PCDHGB5: variants seen among roughly 807,000 people sequenced by gnomAD.
PCDHGB5 encodes protocadherin gamma-B5.
Under a neutral mutation model 62.9 loss-of-function variants are expected in PCDHGB5, and 48 were observed. The observed-to-expected ratio is 0.76, with a 90% confidence interval of 0.61 to 0.97. The LOEUF is 0.97. Ranked by LOEUF, PCDHGB5 falls within the 50% of genes least tolerant of loss-of-function variation. The pLI is 0.00. For synonymous variants in PCDHGB5, 474 were observed against 511.2 expected, an observed-to-expected ratio of 0.93 and a Z score of 0.98; for missense variants, 1,118 against 1,198.6, an observed-to-expected ratio of 0.93 and a Z score of 0.99.
rs2099746867 is a variant in PCDHGB5, at chr5:141,493,199, C to T, written c.2398-1608C>T. Among the ~76,000 whole-genome samples the T allele has an allele frequency of 6.6e-6, 1 of 152,168 alleles. No individual in the cohort carries two copies. Among genetic ancestry groups the T allele is most frequent in the Non-Finnish European group, 1.5e-5 (1 of 68,020 alleles). ...CTTACTATATAACTCCTTTGAGAAC[C>T]TCATCTCATTTGCTCTTCCCACCAT... On this transcript the variant is annotated intron_variant, in intron 1 of 3. Coordinates refer to ENST00000617380, the MANE Select transcript of PCDHGB5 (RefSeq NM_018925.3). This position sits in a 1 kb window ranked among gnomAD's most constrained non-coding sequence, Gnocchi z 4.3.
At position 141,430,974 on chromosome 5, in the gene PCDHGB5, C is replaced by T. The variant is rs141488923; in HGVS notation, c.2397+30450C>T. The T allele has an allele frequency of 7.0e-4, 1,130 of 1,613,070 alleles. 8 individuals carry two copies. In the African/African-American group the frequency reaches 0.014, roughly 19 times the overall value. On this transcript the variant is annotated intron_variant, in intron 1 of 3. Transcript: ENST00000617380. ...GTCCGCATCATCCCCAGAGGTAGGA[C>T]GCAGCTTTTCGCCCTGAATCCGCGC...
In PCDHGB5 at chr5:141,489,739, G is replaced by A; in HGVS notation, c.2398-5068G>A. On this transcript the variant is annotated intron_variant, in intron 1 of 3. Transcript: ENST00000617380. The surrounding 1 kb of genome is among the most constrained non-coding windows in gnomAD (Gnocchi z 4.5). Reference sequence around the variant, plus strand: ...GGATCCGGATGTGGGCACCAATACTGTGAGCTTTTACACTCTAAGCCCCAA... The same window carrying A: ...GGATCCGGATGTGGGCACCAATACTATGAGCTTTTACACTCTAAGCCCCAA... 3 of 1,614,170 alleles carry A rather than the reference G, an allele frequency of 1.9e-6. No homozygotes were observed. The highest frequency in any genetic ancestry group is 2.2e-5 in the South Asian group (2 of 91,076).
At chr5:141,510,879 G>T in intron 3 of PCDHGB5, 68 bp from the exon 4 acceptor site, 1 of 1,611,520 alleles carries the variant, frequency 6.2e-7, no homozygotes, top group Non-Finnish European at 8.5e-7. Flanking sequence ...TAACTGCTGG[G>T]GATATAAGAC....
At chr5:141,416,589 TTA>T (rs1386515449) in intron 1 of PCDHGB5, 2 of 151,996 alleles carry the variant, frequency 1.3e-5, no homozygotes, top group African/African-American at 4.8e-5. Context: ...CAAAATAAAC[TTA>T]GAGTCAAGAA....
chr5:141,450,210 G>T (rs2098673599), intron 1 of PCDHGB5, among the ~76,000 whole-genome samples: 1 of 151,786 alleles, frequency 6.6e-6, no homozygotes. Flanking sequence ...TAGAGACAAG[G>T]TTTCACTATG....
At chr5:141,403,758 T>C (rs1022850868) in intron 1 of PCDHGB5, 18 of 1,613,804 alleles carry the variant, frequency 1.1e-5, no homozygotes, top group Non-Finnish European at 1.4e-5. Flanking sequence ...GCCAGCGACC[T>C]GGATGAGGGA....
At position 141,476,456 on chromosome 5, in the gene PCDHGB5, A is replaced by C; in HGVS notation, c.2398-18351A>C. The C allele has an allele frequency of 6.2e-7, 1 of 1,614,058 alleles. No homozygotes were observed. Among genetic ancestry groups the C allele is most frequent in the Non-Finnish European group, 8.5e-7 (1 of 1,180,010 alleles). On this transcript the variant is annotated intron_variant, in intron 1 of 3. Transcript: ENST00000617380. The surrounding 1 kb of genome is among the most constrained non-coding windows in gnomAD (Gnocchi z 7.6). ...TGTAACTCTGGAGTTGGTAGTGGAGAACCCGCTGGAGCTGTTCAGCGTGGA... is the reference window on the plus strand; with the variant it reads ...TGTAACTCTGGAGTTGGTAGTGGAGCACCCGCTGGAGCTGTTCAGCGTGGA...
chr5:141,508,043 T>A (rs2099865910), intron 3 of PCDHGB5: 1 of 152,252 alleles, frequency 6.6e-6, no homozygotes, highest in Non-Finnish European at 1.5e-5. Context: ...CAGCCAGCTG[T>A]GTTCCAGCTA....
In PCDHGB5 at chr5:141,489,198, C is replaced by G; in HGVS notation, c.2398-5609C>G. 1 of 1,392,402 alleles carries G rather than the reference C, an allele frequency of 7.2e-7. No individual in the cohort carries two copies. Among genetic ancestry groups the G allele is most frequent in the South Asian group, 1.4e-5 (1 of 71,348 alleles). The allele number at this position is 1,392,402 out of a possible 1,614,324, so 86.3% of individuals were successfully genotyped here. A position where few individuals can be genotyped will look rare whatever the true frequency, so the allele number is the denominator to read the frequency against. On this transcript the variant is annotated intron_variant, in intron 1 of 3. Coordinates refer to ENST00000617380, the MANE Select transcript of PCDHGB5 (RefSeq NM_018925.3). This position sits in a 1 kb window ranked among gnomAD's most constrained non-coding sequence, Gnocchi z 4.5. ...CCAAGCCCTGGGTCTACCTTGGAGA[C>G]AGGACAGCACAGACTTACTCTCCAC...
In PCDHGB5 at chr5:141,491,081, C is replaced by T; in HGVS notation, c.2398-3726C>T. The T allele has an allele frequency of 6.2e-7, 1 of 1,614,176 alleles. No individual in the cohort carries two copies. The highest frequency in any genetic ancestry group is 8.5e-7 in the Non-Finnish European group (1 of 1,180,010). On this transcript the variant is annotated intron_variant, in intron 1 of 3. Coordinates refer to ENST00000617380, the MANE Select transcript of PCDHGB5 (RefSeq NM_018925.3). The surrounding 1 kb of genome is among the most constrained non-coding windows in gnomAD (Gnocchi z 6.9). Reference sequence around the variant, plus strand: ...TCCTACTCACTGTTGCCACAGTCCACAGCCCCAGGACTGTTCCTCGTGTCT... The same window carrying T: ...TCCTACTCACTGTTGCCACAGTCCATAGCCCCAGGACTGTTCCTCGTGTCT...
chr5:141,429,395 A>T (rs545207705), intron 1 of PCDHGB5, among the ~76,000 whole-genome samples: 166 of 152,126 alleles, frequency 1.1e-3, no homozygotes, highest in African/African-American at 3.8e-3. Flanking sequence ...TTTAAAAAAA[A>T]TTGAGATTAA....
chr5:141,405,398 C>A, intron 1 of PCDHGB5: 1 of 1,590,262 alleles, frequency 6.3e-7, no homozygotes, highest in Non-Finnish European at 8.6e-7. Flanking sequence ...TTTTTTCTTT[C>A]TTTCTTTTCT....
chr5:141,433,162 A>G, intron 1 of PCDHGB5: 1 of 1,613,890 alleles, frequency 6.2e-7, no homozygotes, highest in Non-Finnish European at 8.5e-7. Flanking sequence ...TATTTTCTAA[A>G]GACAGTCATG....
Position 141,476,165 on chromosome 5 carries a change from G to A in PCDHGB5, c.2398-18642G>A. ...CGGACTGGTAAGCACCGGGAGGGTA[G>A]TGGGAGTTTTGCTTCTGCTTGGTGC... On this transcript the variant is annotated intron_variant, in intron 1 of 3. Coordinates refer to ENST00000617380, the MANE Select transcript of PCDHGB5 (RefSeq NM_018925.3). This position sits in a 1 kb window ranked among gnomAD's most constrained non-coding sequence, Gnocchi z 7.6. 1 of 1,613,228 alleles carries A rather than the reference G, an allele frequency of 6.2e-7. No homozygotes were observed.
intron 1 of PCDHGB5, among the ~76,000 whole-genome samples, chr5:141,443,726 TAC>T: frequency 6.6e-6 from 1 of 152,262 alleles, no homozygotes; most frequent in Admixed American, 6.5e-5. Flanking sequence ...AAATTCCTCA[TAC>T]ATTTCCCTAT....
chr5:141,432,652 C>T lies in PCDHGB5; in HGVS notation c.2397+32128C>T, dbSNP rs1004936183. On this transcript the variant is annotated intron_variant, in intron 1 of 3. Transcript: ENST00000617380. This position sits in a 1 kb window ranked among gnomAD's most constrained non-coding sequence, Gnocchi z 6.0. ...CGGGCGAGGTGCGCACGGCGCGAGC[C>T]CTGCTGGACAGAGACGCGCTCAAGC... The T allele has an allele frequency of 6.2e-7, 1 of 1,613,836 alleles. No individual in the cohort carries two copies. Among genetic ancestry groups the T allele is most frequent in the East Asian group, 2.2e-5 (1 of 44,860 alleles).
At position 141,489,733 on chromosome 5, in the gene PCDHGB5, A is replaced by C; in HGVS notation, c.2398-5074A>C. ...TGCCCAGGATCCGGATGTGGGCACC[A>C]ATACTGTGAGCTTTTACACTCTAAG... On this transcript the variant is annotated intron_variant, in intron 1 of 3. Coordinates refer to ENST00000617380, the MANE Select transcript of PCDHGB5 (RefSeq NM_018925.3). This position sits in a 1 kb window ranked among gnomAD's most constrained non-coding sequence, Gnocchi z 4.5. 1 of 1,614,168 alleles carries C rather than the reference A, an allele frequency of 6.2e-7. No individual in the cohort carries two copies. The highest frequency in any genetic ancestry group is 1.1e-5 in the South Asian group (1 of 91,078).
In PCDHGB5 at chr5:141,477,088, C is replaced by G. The variant is rs1008530221; in HGVS notation, c.2398-17719C>G. On this transcript the variant is annotated intron_variant, in intron 1 of 3. Transcript: ENST00000617380. This position sits in a 1 kb window ranked among gnomAD's most constrained non-coding sequence, Gnocchi z 4.9. ...AACTCCATGAGATTTACATCCAGGC[C>G]AAAGACAAGGGCGCCAATCCCGAAG... The G allele has an allele frequency of 1.2e-6, 2 of 1,614,112 alleles. No individual in the cohort carries two copies. The highest frequency in any genetic ancestry group is 1.6e-4 in the Middle Eastern group (1 of 6,084).
intron 1 of PCDHGB5, among the ~76,000 whole-genome samples, chr5:141,452,760 G>A (rs920853226): frequency 3.3e-5 from 5 of 152,120 alleles, no homozygotes; most frequent in Non-Finnish European, 7.4e-5. Context: ...AAGGAAGGGA[G>A]GGAGGGAAAA....
Sources: gnomAD v4.1 joint callset for allele counts (sites outside exome capture counted in the v4.1 genomes callset) on GRCh38, gnomAD v4.1.1 for gene constraint, Gnocchi (gnomAD v3.1) non-coding constraint, MANE v1.5 for transcripts, NCBI Gene and HGNC (gene_info 2026-07-23, HGNC 2026-07-21) for gene names.